Variants in KMT5B observed in about 807,000 individuals in gnomAD.
KMT5B encodes the protein histone-lysine N-methyltransferase KMT5B.
Under a neutral mutation model 83.2 loss-of-function variants are expected in KMT5B, and 10 were observed. That is an observed-to-expected ratio of 0.12 (90% CI 0.07 to 0.20). KMT5B has a LOEUF of 0.20. KMT5B is among the 10% of genes least tolerant of loss of function. KMT5B has a pLI of 1.00. For missense variants in KMT5B, 753 were observed against 1,067.2 expected, an observed-to-expected ratio of 0.71 and a Z score of 4.10; for synonymous variants, 349 against 388.8, an observed-to-expected ratio of 0.90 and a Z score of 1.20.
At chr11:68,191,935 C>T (rs1858131162) in intron 1 of KMT5B, among the ~76,000 whole-genome samples, 1 of 152,108 alleles carries the variant, frequency 6.6e-6, no homozygotes, top group African/African-American at 2.4e-5. Flanking sequence ...ACAGGTGTAC[C>T]ATTTTAAAAT....
intron 10 of KMT5B, among the ~76,000 whole-genome samples, chr11:68,163,988 A>T (rs1026932204): frequency 1.3e-5 from 2 of 152,128 alleles, no homozygotes; most frequent in African/African-American, 2.4e-5. Context: ...GCATCTTCAC[A>T]GACCGCTCGC....
At chr11:68,184,511 A>G (rs943398527) in intron 3 of KMT5B, among the ~76,000 whole-genome samples, 1 of 152,172 alleles carries the variant, frequency 6.6e-6, no homozygotes, top group South Asian at 2.1e-4. Context: ...AAAAGGGGGG[A>G]AACAGGACAC....
chr11:68,161,208 A>G (rs993405334), intron 10 of KMT5B, among the ~76,000 whole-genome samples: 6 of 152,112 alleles, frequency 3.9e-5, no homozygotes, highest in South Asian at 2.1e-4. Context: ...TTTTTTTTTA[A>G]TAAGAAATTT....
At chr11:68,196,416 G>A (rs1280058559) in intron 1 of KMT5B, among the ~76,000 whole-genome samples, 1 of 149,132 alleles carries the variant, frequency 6.7e-6, no homozygotes, top group Non-Finnish European at 1.5e-5. Flanking sequence ...TTAATTGAGA[G>A]TTCCTAAGGT....
Position 68,158,344 on chromosome 11 carries a change from A to G in KMT5B, c.2002T>C (p.Cys668Arg). The G allele has an allele frequency of 6.2e-7, 1 of 1,614,194 alleles. No homozygotes were observed. The highest frequency in any genetic ancestry group is 8.5e-7 in the Non-Finnish European group (1 of 1,180,014). ...TVGVPVSYTD[C>R]APSPVGCSVV... Reference sequence around the variant, plus strand: ...GAACAACCGACGGGTGAAGGAGCACAGTCTGTGTAGCTCACAGGCACGCCC... The same window carrying G: ...GAACAACCGACGGGTGAAGGAGCACGGTCTGTGTAGCTCACAGGCACGCCC... The change falls in exon 11 of 11, where the codon TGT becomes CGT. Residue 668 changes from cysteine to arginine, a missense_variant. By Grantham distance (180) the Cys-to-Arg change is radical. Transcript: ENST00000304363.
intron 4 of KMT5B, 54 bp from the exon 5 acceptor site, chr11:68,175,237 G>T: frequency 6.9e-7 from 1 of 1,440,864 alleles, no homozygotes; most frequent in Non-Finnish European, 9.7e-7. Flanking sequence ...TTGCGCCACT[G>T]ATCCATCTTA....
chr11:68,184,233 G>C (rs1036510658), intron 3 of KMT5B, among the ~76,000 whole-genome samples: 1 of 151,964 alleles, frequency 6.6e-6, no homozygotes, highest in East Asian at 1.9e-4. Flanking sequence ...TTAGCTGGGT[G>C]CAGTGGTGCA....
intron 1 of KMT5B, 44 bp downstream of exon 1, chr11:68,213,094 C>T (rs2153097267): frequency 7.3e-6 from 1 of 137,502 alleles, no homozygotes; most frequent in Non-Finnish European, 1.6e-5. Flanking sequence ...ACCGAGGCCG[C>T]CCCCCGCACA....
chr11:68,191,784 A>G lies in KMT5B; in HGVS notation c.-76-1632T>C, dbSNP rs375867732. Among the ~76,000 whole-genome samples the G allele has an allele frequency of 3.9e-5, 6 of 152,360 alleles. No individual in the cohort carries two copies. In the South Asian group the frequency reaches 8.3e-4, roughly 21 times the overall value. ...TGAAGAAACATTTCAAAATAAATTT[A>G]GCGTAGCCTAAGTGTACGGTGTTAA... On this transcript the variant is annotated intron_variant, in intron 1 of 10. Coordinates refer to ENST00000304363, the MANE Select transcript of KMT5B (RefSeq NM_017635.5).
chr11:68,160,116 A>G (rs1289343823), intron 10 of KMT5B, among the ~76,000 whole-genome samples: 1 of 152,236 alleles, frequency 6.6e-6, no homozygotes, highest in Non-Finnish European at 1.5e-5. Flanking sequence ...ATATAAGGAT[A>G]TTTAGATAAT....
intron 4 of KMT5B, among the ~76,000 whole-genome samples, chr11:68,178,461 G>T (rs553314490): frequency 4.3e-4 from 66 of 152,196 alleles, no homozygotes; most frequent in African/African-American, 1.4e-3. Context: ...TGACTTTATT[G>T]CCTCAAACAT....
At chr11:68,205,543 T>C (rs1859988899) in intron 1 of KMT5B, among the ~76,000 whole-genome samples, 1 of 152,200 alleles carries the variant, frequency 6.6e-6, no homozygotes, top group Admixed American at 6.5e-5. Context: ...ACTGAAACTA[T>C]TAGAATTTCT....
intron 10 of KMT5B, among the ~76,000 whole-genome samples, chr11:68,165,323 G>C (rs1855218072): frequency 6.6e-6 from 1 of 152,256 alleles, no homozygotes; most frequent in Admixed American, 6.5e-5. Flanking sequence ...GGACAACATG[G>C]TGAAACCCCG....
chr11:68,165,831 G>A, intron 10 of KMT5B: 1 of 1,611,388 alleles, frequency 6.2e-7, no homozygotes, highest in South Asian at 1.1e-5. Flanking sequence ...CTACAGCGCT[G>A]CTTTTATGCT....
At chr11:68,161,863 C>T (rs563684137) in intron 10 of KMT5B, among the ~76,000 whole-genome samples, 56 of 152,236 alleles carry the variant, frequency 3.7e-4, no homozygotes, top group Non-Finnish European at 6.0e-4. Flanking sequence ...TGACAGTTCC[C>T]GAACTCTGGC....
Position 68,213,284 on chromosome 11 carries a change from T to C in KMT5B, c.-223A>G, listed in dbSNP as rs1861218697. On this transcript the variant is annotated 5_prime_UTR_variant, in exon 1 of 11. Coordinates refer to ENST00000304363, the MANE Select transcript of KMT5B (RefSeq NM_017635.5). ...AATAATTCCAGAGAAAAATGGAGAG[T>C]AAAATCCAAGATGGCGGCGCGGGCC... is the stretch of plus-strand genomic sequence containing the variant. 1 of 142,124 alleles carries C rather than the reference T, an allele frequency of 7.0e-6. No individual in the cohort carries two copies. The highest frequency in any genetic ancestry group is 1.5e-5 in the Non-Finnish European group (1 of 64,676). 8.8% of individuals were successfully genotyped at this position (142,124 alleles called of 1,614,324 possible).
chr11:68,166,245 CAG>C, intron 10 of KMT5B: 1 of 1,208,122 alleles, frequency 8.3e-7, no homozygotes, highest in Non-Finnish European at 1.0e-6. Context: ...GCTCCGCAAA[CAG>C]GATGTGCTTT....
At chr11:68,198,713 A>G (rs1859042013) in intron 1 of KMT5B, among the ~76,000 whole-genome samples, 1 of 152,144 alleles carries the variant, frequency 6.6e-6, no homozygotes, top group Admixed American at 6.5e-5. Flanking sequence ...TAGGAAAAAC[A>G]TTTCAAGAAA....
chr11:68,165,850 T>C, intron 10 of KMT5B: 1 of 1,612,748 alleles, frequency 6.2e-7, no homozygotes, highest in Non-Finnish European at 8.5e-7. Flanking sequence ...CTACACGGGT[T>C]ATGCTTGGAC....
Sources: gnomAD v4.1 joint callset for allele counts (sites outside exome capture counted in the v4.1 genomes callset) on GRCh38, gnomAD v4.1.1 for gene constraint, MANE v1.5 for transcripts, NCBI Gene and HGNC (gene_info 2026-07-23, HGNC 2026-07-21) for gene names.